ROBO2: variants seen among roughly 807,000 people sequenced by gnomAD.
ROBO2 encodes the protein roundabout homolog 2.
In ROBO2, 53 loss-of-function variants were observed where a neutral mutation model predicts 160.8. The ratio of observed to expected loss-of-function variants is 0.33; its 90% CI spans 0.26 to 0.41. ROBO2 has a LOEUF of 0.41. Ranked by LOEUF, ROBO2 falls within the 10% of genes least tolerant of loss-of-function variation. The pLI is 1.00. For missense variants in ROBO2, 1,577 were observed against 1,722.4 expected (o/e 0.92, Z 1.49); for synonymous variants, 664 against 611.7 (o/e 1.09, Z -1.26).
chr3:77,113,049 A>G (rs1357004076), intron 2 of ROBO2, among the ~76,000 whole-genome samples: 1 of 152,172 alleles, frequency 6.6e-6, no homozygotes, highest in Non-Finnish European at 1.5e-5. Flanking sequence ...TAAACTTAGC[A>G]TTATCACTGT....
chr3:76,343,547 G>A (rs758057381), intron 2 of ROBO2, among the ~76,000 whole-genome samples: 19 of 151,340 alleles, frequency 1.3e-4, no homozygotes, highest in Non-Finnish European at 2.7e-4. Context: ...TAGTGCAAAC[G>A]TAACTGCGGT....
intron 2 of ROBO2, among the ~76,000 whole-genome samples, chr3:77,268,104 G>A (rs565057733): frequency 2.7e-4 from 41 of 152,062 alleles, no homozygotes; most frequent in Non-Finnish European, 4.6e-4. Context: ...GAATTCTATC[G>A]TTATATTCTG....
At chr3:76,602,643 G>A (rs11919346) in intron 2 of ROBO2, among the ~76,000 whole-genome samples, 24,204 of 152,104 alleles carry the variant, frequency 0.16, 2,430 homozygotes, top group African/African-American at 0.26. Flanking sequence ...CGTCCCCATA[G>A]TTCAGTCACC....
At chr3:76,453,010 T>A (rs1440190553) in intron 2 of ROBO2, among the ~76,000 whole-genome samples, 1 of 152,162 alleles carries the variant, frequency 6.6e-6, no homozygotes, top group Non-Finnish European at 1.5e-5. Flanking sequence ...TTGCCCACTT[T>A]TTGATGGGGT....
In ROBO2 at chr3:77,481,170, C is replaced by A. The variant is rs745573128; in HGVS notation, c.618C>A (p.Thr206=). 5 of 1,607,452 alleles carry A rather than the reference C, an allele frequency of 3.1e-6. No homozygotes were observed. Among genetic ancestry groups the A allele is most frequent in the Non-Finnish European group, 4.2e-6 (5 of 1,176,958 alleles). ...CAGGGATGTATACTTGTGTTGGTAC[C>A]AATATGGTGGGAGAAAGGGACAGTG... Residue 206 remains threonine, a synonymous_variant, in exon 4 of 26, where the codon ACC becomes ACA. Transcript: ENST00000461745.
At chr3:76,024,186 A>T in intron 2 of ROBO2, among the ~76,000 whole-genome samples, 1 of 151,506 alleles carries the variant, frequency 6.6e-6, no homozygotes, top group African/African-American at 2.4e-5. Flanking sequence ...CACTTATAAC[A>T]TTAAAATGAG....
intron 1 of ROBO2, among the ~76,000 whole-genome samples, chr3:77,075,838 C>T (rs112789817): frequency 7.2e-4 from 109 of 151,508 alleles, no homozygotes; most frequent in African/African-American, 2.4e-3. Context: ...CCACCATGCC[C>T]GGCTAATTTT....
At chr3:77,273,035 T>G (rs2059600849) in intron 2 of ROBO2, among the ~76,000 whole-genome samples, 1 of 152,162 alleles carries the variant, frequency 6.6e-6, no homozygotes, top group South Asian at 2.1e-4. Context: ...GACAATGAAG[T>G]TTGGGTATGA....
intron 2 of ROBO2, among the ~76,000 whole-genome samples, chr3:77,430,243 G>A (rs2078637133): frequency 6.6e-6 from 1 of 152,092 alleles, no homozygotes; most frequent in Non-Finnish European, 1.5e-5. Flanking sequence ...AGGTCTACAT[G>A]AAGAAGTTGT....
chr3:75,980,615 C>T lies in ROBO2; in HGVS notation c.109+43013C>T, dbSNP rs62267178. On this transcript the variant is annotated intron_variant, in intron 2 of 26. Coordinates refer to the ROBO2 transcript ENST00000487694. ...AGTCAAACTATACAAAGCTGGGCTG[C>T]ACCTAATTATTGGTATAAATTACAT... Among the ~76,000 whole-genome samples the T allele has an allele frequency of 6.6e-3, 999 of 151,584 alleles. 2 individuals are homozygous for T. The highest frequency in any genetic ancestry group is 9.4e-3 in the Non-Finnish European group (638 of 67,650).
chr3:76,012,336 A>G (rs925521242), intron 2 of ROBO2, among the ~76,000 whole-genome samples: 2 of 152,230 alleles, frequency 1.3e-5, no homozygotes, highest in African/African-American at 4.8e-5. Context: ...AACTGTAACT[A>G]TGCCTTTAGT....
At chr3:76,748,643 G>C (rs2093931305) in intron 2 of ROBO2, among the ~76,000 whole-genome samples, 2 of 151,678 alleles carry the variant, frequency 1.3e-5, no homozygotes. Flanking sequence ...ATTAAAACAA[G>C]TGGGTACATT....
At chr3:76,284,757 T>A (rs2107681331) in intron 2 of ROBO2, among the ~76,000 whole-genome samples, 1 of 152,298 alleles carries the variant, frequency 6.6e-6, no homozygotes. Flanking sequence ...CTTCATTTGA[T>A]TCTTCACCTG....
At chr3:76,628,099 A>T (rs529621573) in intron 2 of ROBO2, among the ~76,000 whole-genome samples, 1 of 152,346 alleles carries the variant, frequency 6.6e-6, no homozygotes, top group South Asian at 2.1e-4. Flanking sequence ...TTCTCATGCC[A>T]GAATGGTTTC....
chr3:77,631,495 T>C (rs1162031689), intron 23 of ROBO2: 1 of 152,196 alleles, frequency 6.6e-6, no homozygotes, highest in East Asian at 1.9e-4. Flanking sequence ...CTAACAAATT[T>C]AGGATAAGCA....
At chr3:76,314,517 A>G (rs2071839894) in intron 2 of ROBO2, among the ~76,000 whole-genome samples, 1 of 152,004 alleles carries the variant, frequency 6.6e-6, no homozygotes, top group African/African-American at 2.4e-5. Flanking sequence ...GTGCAGATTC[A>G]CTCATATGAG....
intron 2 of ROBO2, among the ~76,000 whole-genome samples, chr3:77,446,868 T>C (rs1471608763): frequency 6.6e-6 from 1 of 152,080 alleles, no homozygotes; most frequent in Non-Finnish European, 1.5e-5. Flanking sequence ...TCATGGCCCC[T>C]AAATAGTTGT....
chr3:75,940,819 CG>C, intron 2 of ROBO2, among the ~76,000 whole-genome samples: 1 of 152,152 alleles, frequency 6.6e-6, no homozygotes, highest in African/African-American at 2.4e-5. Context: ...AATGGCACAG[CG>C]GGCAAAACCA....
At chr3:76,408,754 A>G (rs1441432967) in intron 2 of ROBO2, among the ~76,000 whole-genome samples, 1 of 152,028 alleles carries the variant, frequency 6.6e-6, no homozygotes, top group Non-Finnish European at 1.5e-5. Context: ...TGCTGTTAAT[A>G]CTCATCCTCT....
Sources: allele counts gnomAD v4.1 joint callset (sites outside exome capture counted in the v4.1 genomes callset), GRCh38; gene constraint gnomAD v4.1.1; transcripts MANE v1.5; gene names NCBI Gene and HGNC (gene_info 2026-07-23, HGNC 2026-07-21).